Variants in EIF4G3 observed in about 807,000 individuals in gnomAD.
EIF4G3 encodes the protein eIF-4-gamma 3.
EIF4G3 carries 34 observed loss-of-function variants against 186.4 expected under a neutral mutation model. The ratio of observed to expected loss-of-function variants is 0.18; its 90% CI spans 0.14 to 0.24. The LOEUF (loss-of-function observed/expected upper bound fraction) is 0.24. EIF4G3 is among the 10% of genes least tolerant of loss of function. The pLI, the probability that EIF4G3 is intolerant of heterozygous loss-of-function variation, is 1.00. For synonymous variants in EIF4G3, 673 were observed against 679.5 expected (o/e 0.99, Z 0.15); for missense variants, 1,536 against 1,948.5 (o/e 0.79, Z 3.99).
chr1:21,176,767 C>G lies in EIF4G3; in HGVS notation c.-501G>C. ...TGGGCCGGCGGCGGGGGATCTTTATCCCCCTCCCCGGAGGAAGCGGCGCCC... is the reference window on the plus strand; with the variant it reads ...TGGGCCGGCGGCGGGGGATCTTTATGCCCCTCCCCGGAGGAAGCGGCGCCC... On this transcript the variant is annotated 5_prime_UTR_variant, in exon 1 of 37. Coordinates refer to ENST00000602326, the MANE Select transcript of EIF4G3 (RefSeq NM_001391906.1). 7.1e-6 allele frequency: 5 copies of G among 699,650 alleles called. No homozygotes were observed. The highest frequency in any genetic ancestry group is 1.3e-5 in the Non-Finnish European group (5 of 383,642). The allele number at this position is 699,650 out of a possible 1,614,324, so 43.3% of individuals were successfully genotyped here.
chr1:20,873,230 T>C (rs1359278990), intron 20 of EIF4G3, among the ~76,000 whole-genome samples: 1 of 152,260 alleles, frequency 6.6e-6, no homozygotes, highest in Non-Finnish European at 1.5e-5. Context: ...TCAGATTCAC[T>C]GTCCTTGTAT....
intron 28 of EIF4G3, 134 bp downstream of exon 28, chr1:20,851,124 C>G: frequency 1.3e-6 from 1 of 747,060 alleles, no homozygotes; most frequent in Non-Finnish European, 2.2e-6. Flanking sequence ...ATGAAGTACC[C>G]TTTAACTCTT....
At chr1:20,943,425 T>C (rs1461122384) in intron 13 of EIF4G3, among the ~76,000 whole-genome samples, 1 of 152,130 alleles carries the variant, frequency 6.6e-6, no homozygotes, top group Non-Finnish European at 1.5e-5. Flanking sequence ...GGAACAATAA[T>C]TAACAATAAT....
intron 2 of EIF4G3, among the ~76,000 whole-genome samples, chr1:21,115,154 A>G (rs2096794809): frequency 6.6e-6 from 1 of 152,180 alleles, no homozygotes; most frequent in Non-Finnish European, 1.5e-5. Context: ...TTTCCTTTGC[A>G]TTCACAACTT....
At chr1:20,938,987 A>T (rs1195228492) in intron 14 of EIF4G3, among the ~76,000 whole-genome samples, 1 of 151,948 alleles carries the variant, frequency 6.6e-6, no homozygotes, top group African/African-American at 2.4e-5. Flanking sequence ...CACGCCTATA[A>T]TCCCAGCTAC....
At chr1:21,103,541 T>A (rs1200114492) in intron 2 of EIF4G3, among the ~76,000 whole-genome samples, 1 of 151,904 alleles carries the variant, frequency 6.6e-6, no homozygotes, top group Non-Finnish European at 1.5e-5. Context: ...AGAGGAAAAA[T>A]TAATGAAGAA....
chr1:20,857,571 T>C, intron 24 of EIF4G3, 74 bp from the exon 25 acceptor site: 1 of 1,183,692 alleles, frequency 8.4e-7, no homozygotes, highest in Non-Finnish European at 1.3e-6. Flanking sequence ...AGCAATATTT[T>C]CATCAAAACC....
chr1:20,880,903 TATATC>T (rs1342835447), intron 19 of EIF4G3, among the ~76,000 whole-genome samples: 1 of 152,212 alleles, frequency 6.6e-6, no homozygotes, highest in African/African-American at 2.4e-5. Flanking sequence ...GATCTGCAGA[TATATC>T]ATCATAATCC....
At chr1:21,099,752 C>A (rs1230559365) in intron 2 of EIF4G3, among the ~76,000 whole-genome samples, 2 of 152,084 alleles carry the variant, frequency 1.3e-5, no homozygotes, top group Non-Finnish European at 2.9e-5. Context: ...CAGTAGGTTA[C>A]AAAAACCATT....
chr1:21,002,717 G>A lies in EIF4G3; in HGVS notation c.26C>T (p.Ser9Phe). Residue 9 changes from serine (S) to phenylalanine (F), a missense_variant, in exon 5 of 37, where the codon TCT (serine) becomes TTT (phenylalanine). This residue lies in a region of EIF4G3 where 194 missense variants were observed against 212.8 expected (regional missense o/e 0.91). Coordinates refer to ENST00000602326, the MANE Select transcript of EIF4G3 (RefSeq NM_001391906.1). ...TTCAAGCTTCTGCTTACTTACCGGA[G>A]AACGGGTTTGAGGTTGTGAATTCAT... MNSQPQTR[S>F]PPSRTVPIHC... 1 of 1,613,450 alleles carries A rather than the reference G, an allele frequency of 6.2e-7. No individual in the cohort carries two copies. Among genetic ancestry groups the A allele is most frequent in the Non-Finnish European group, 8.5e-7 (1 of 1,179,678 alleles).
chr1:20,885,347 G>A (rs1006376257), intron 19 of EIF4G3, among the ~76,000 whole-genome samples: 3 of 152,162 alleles, frequency 2.0e-5, no homozygotes, highest in African/African-American at 7.2e-5. Context: ...CTTAACACTG[G>A]CCCTATGAGG....
chr1:20,829,699 A>G (rs989777906), intron 30 of EIF4G3, among the ~76,000 whole-genome samples: 1 of 152,224 alleles, frequency 6.6e-6, no homozygotes, highest in African/African-American at 2.4e-5. Flanking sequence ...AGCACTGACT[A>G]AACACTTACT....
At chr1:21,084,937 T>C (rs1473464741) in intron 3 of EIF4G3, among the ~76,000 whole-genome samples, 2 of 151,608 alleles carry the variant, frequency 1.3e-5, no homozygotes, top group Non-Finnish European at 2.9e-5. Context: ...GTTGCTCCAT[T>C]ACCATATCCT....
chr1:20,887,980 T>C (rs9919170), intron 18 of EIF4G3, among the ~76,000 whole-genome samples: 5,013 of 152,254 alleles, frequency 0.033, 277 homozygotes, highest in African/African-American at 0.11. Context: ...TTTAATTTAA[T>C]CCATGCATTT....
intron 2 of EIF4G3, among the ~76,000 whole-genome samples, chr1:21,110,112 A>T (rs1245414606): frequency 6.6e-6 from 1 of 152,156 alleles, no homozygotes; most frequent in Non-Finnish European, 1.5e-5. Context: ...TAGAAACTTT[A>T]AAGTAAAGTG....
chr1:20,843,091 A>T (rs1384416675), intron 29 of EIF4G3, among the ~76,000 whole-genome samples: 1 of 152,052 alleles, frequency 6.6e-6, no homozygotes, highest in Non-Finnish European at 1.5e-5. Context: ...CTCTAGCCTT[A>T]GCCTCCAAAA....
intron 19 of EIF4G3, among the ~76,000 whole-genome samples, chr1:20,882,248 T>C (rs2082620889): frequency 6.6e-6 from 1 of 151,398 alleles, no homozygotes; most frequent in Non-Finnish European, 1.5e-5. Flanking sequence ...CAGGAGCTCA[T>C]GCCTGTAATC....
In EIF4G3 at chr1:20,982,340, A is replaced by G. The variant is rs141252735; in HGVS notation, c.198+48T>C. The G allele has an allele frequency of 1.8e-4, 244 of 1,388,916 alleles. No individual in the cohort carries two copies. The African/African-American group carries it at 3.4e-3, about 19-fold the overall frequency. 86.0% of individuals were successfully genotyped at this position (1,388,916 alleles called of 1,614,324 possible). A position where few individuals can be genotyped will look rare whatever the true frequency, so the allele number is the denominator to read the frequency against. On this transcript the variant is annotated intron_variant, in intron 8 of 36. Transcript: ENST00000602326. The stretch of plus-strand genomic sequence containing the variant: ...TAGCAATCAATCTCAATGTAATAAT[A>G]AGCAGACTGAGTTATAAAGAGGCCA...
At chr1:21,051,926 G>A (rs2094239429) in intron 3 of EIF4G3, among the ~76,000 whole-genome samples, 1 of 151,920 alleles carries the variant, frequency 6.6e-6, no homozygotes, top group African/African-American at 2.4e-5. Context: ...ACATGTGTAG[G>A]AATATTTCTA....
Sources: gnomAD v4.1 joint callset for allele counts (sites outside exome capture counted in the v4.1 genomes callset) on GRCh38, gnomAD v4.1.1 for gene constraint, gnomAD v4.1.1 regional missense constraint, MANE v1.5 for transcripts, NCBI Gene and HGNC (gene_info 2026-07-23, HGNC 2026-07-21) for gene names.